The following CTNNA3 variants were observed in gnomAD, a reference collection of about 807,000 sequenced individuals.
The protein encoded by CTNNA3 is catenin alpha 3, also known as catenin alpha-3.
Under a neutral mutation model 95.7 loss-of-function variants are expected in CTNNA3, and 76 were observed. The observed-to-expected ratio is 0.79, with a 90% CI of 0.66 to 0.96. The LOEUF is 0.96. CTNNA3 is among the 40% of genes least tolerant of loss of function. CTNNA3 has a pLI of 0.00. For missense variants in CTNNA3, 1,191 were observed against 1,089.8 expected, an observed-to-expected ratio of 1.09 and a Z score of -1.31; for synonymous variants, 431 against 374.4, an observed-to-expected ratio of 1.15 and a Z score of -1.74.
In CTNNA3 at chr10:66,003,730, T is replaced by G. The variant is rs750241105; in HGVS notation, c.2160-14933A>C. ...AGTCTGAAGATTTAATATTTTTTTGTGTGATTTTGTACTGAAAACATAACA... is the reference window on the plus strand; with the variant it reads ...AGTCTGAAGATTTAATATTTTTTTGGGTGATTTTGTACTGAAAACATAACA... On this transcript the variant is annotated intron_variant, in intron 15 of 17. Transcript: ENST00000433211. 3.9e-5 allele frequency among the ~76,000 whole-genome samples: 6 copies of G among 152,228 alleles called. 1 individual carries two copies. Among genetic ancestry groups the G allele is most frequent in the South Asian group, 4.1e-4 (2 of 4,828 alleles).
chr10:67,426,947 T>C (rs1845942982), intron 5 of CTNNA3, among the ~76,000 whole-genome samples: 1 of 152,098 alleles, frequency 6.6e-6, no homozygotes, highest in Admixed American at 6.6e-5. Context: ...ACAGTATTTT[T>C]TCCAGATTCA....
At chr10:67,713,998 C>G (rs1256955305) in intron 1 of CTNNA3, among the ~76,000 whole-genome samples, 1 of 151,674 alleles carries the variant, frequency 6.6e-6, no homozygotes, top group Non-Finnish European at 1.5e-5. Flanking sequence ...GCCTAGATTT[C>G]AGAAGATGTA....
At chr10:67,091,295 ATTTCT>A (rs887981459) in intron 7 of CTNNA3, among the ~76,000 whole-genome samples, 1 of 152,038 alleles carries the variant, frequency 6.6e-6, no homozygotes, top group African/African-American at 2.4e-5. Context: ...AAATTAAAAC[ATTTCT>A]TTAAGTAAAT....
chr10:67,438,188 T>C (rs1846371280), intron 5 of CTNNA3, among the ~76,000 whole-genome samples: 1 of 152,206 alleles, frequency 6.6e-6, no homozygotes, highest in Admixed American at 6.5e-5. Context: ...AGTTTGGGCA[T>C]GATGGGAATG....
chr10:66,772,921 T>A (rs536867543), intron 8 of CTNNA3, among the ~76,000 whole-genome samples: 1 of 152,318 alleles, frequency 6.6e-6, no homozygotes, highest in African/African-American at 2.4e-5. Context: ...AAGCAAACGA[T>A]GAACATTAAA....
intron 5 of CTNNA3, among the ~76,000 whole-genome samples, chr10:67,411,564 A>G (rs1564632675): frequency 2.6e-5 from 4 of 152,210 alleles, no homozygotes; most frequent in Admixed American, 1.3e-4. Flanking sequence ...TGGATTGTGT[A>G]TCTGAGTTAG....
intron 12 of CTNNA3, among the ~76,000 whole-genome samples, chr10:66,366,040 A>G (rs945980890): frequency 2.0e-5 from 3 of 152,152 alleles, no homozygotes. Flanking sequence ...ATTATGAGAC[A>G]GTAAATGTTT....
At chr10:67,026,667 C>T (rs116158713) in intron 7 of CTNNA3, among the ~76,000 whole-genome samples, 3,644 of 152,178 alleles carry the variant, frequency 0.024, 161 homozygotes, top group African/African-American at 0.082. Context: ...AAACCAATTT[C>T]TTCATAAAGC....
intron 11 of CTNNA3, among the ~76,000 whole-genome samples, chr10:66,491,720 C>T (rs1589326548): frequency 6.6e-6 from 1 of 152,078 alleles, no homozygotes; most frequent in African/African-American, 2.4e-5. Context: ...AAAAGGTAGC[C>T]AATTTCAAAA....
chr10:67,007,721 A>G (rs1458281192), intron 7 of CTNNA3, among the ~76,000 whole-genome samples: 1 of 152,062 alleles, frequency 6.6e-6, no homozygotes, highest in Non-Finnish European at 1.5e-5. Flanking sequence ...TAAGTATAGT[A>G]GAAAGGTTCT....
chr10:67,195,771 A>T (rs1158463803), intron 6 of CTNNA3, among the ~76,000 whole-genome samples: 7 of 152,114 alleles, frequency 4.6e-5, no homozygotes, highest in East Asian at 1.9e-4. Flanking sequence ...ACAGTCTTAA[A>T]CAAGCTGAAG....
Position 67,561,945 on chromosome 10 carries a change from G to A in CTNNA3, c.293-22276C>T, listed in dbSNP as rs1358427446. The stretch of plus-strand genomic sequence containing the variant: ...CCTCCCAAGACTAAACCACGAAGAA[G>A]TTGAATCTCTGAATAGACCAACAAC... On this transcript the variant is annotated intron_variant, in intron 3 of 17. Transcript: ENST00000433211. Among the ~76,000 whole-genome samples the A allele has an allele frequency of 2.6e-5, 4 of 152,268 alleles. No homozygotes were observed. The East Asian group carries it at 7.7e-4, about 29-fold the overall frequency.
intron 13 of CTNNA3, among the ~76,000 whole-genome samples, chr10:66,146,310 A>G (rs988712855): frequency 2.0e-5 from 3 of 152,130 alleles, no homozygotes; most frequent in African/African-American, 7.2e-5. Context: ...AACAGTGTAA[A>G]TCTAATATAA....
chr10:67,272,211 A>C (rs1212148258), intron 5 of CTNNA3, among the ~76,000 whole-genome samples: 2 of 152,180 alleles, frequency 1.3e-5, no homozygotes, highest in African/African-American at 4.8e-5. Context: ...CTGTGGTTCC[A>C]AACTCAACCC....
At chr10:67,198,600 T>C (rs1863486355) in intron 6 of CTNNA3, among the ~76,000 whole-genome samples, 1 of 152,222 alleles carries the variant, frequency 6.6e-6, no homozygotes, top group Non-Finnish European at 1.5e-5. Context: ...CACAGTTTAA[T>C]TCATTCTGCT....
chr10:66,066,016 A>G (rs1393088823), intron 15 of CTNNA3, among the ~76,000 whole-genome samples: 2 of 152,104 alleles, frequency 1.3e-5, no homozygotes, highest in African/African-American at 4.8e-5. Context: ...GGTGCATGCC[A>G]CCACACACAG....
At position 66,572,557 on chromosome 10, in the gene CTNNA3, C is replaced by T. The variant is rs141161585; in HGVS notation, c.1374+49135G>A. Among the ~76,000 whole-genome samples, 587 of 150,268 alleles carry T rather than the reference C, an allele frequency of 3.9e-3. 6 individuals are homozygous for T. Among genetic ancestry groups the T allele is most frequent in the African/African-American group, 0.014 (562 of 40,712 alleles). On this transcript the variant is annotated intron_variant, in intron 10 of 17. Transcript: ENST00000433211. ...TTCTGTGTGGCTAATTGCATTTAGG[C>T]CAGGACTCAAAAAAAAAAACAAAAC...
At chr10:67,747,927 A>G (rs1293795550) in intron 1 of CTNNA3, among the ~76,000 whole-genome samples, 1 of 152,242 alleles carries the variant, frequency 6.6e-6, no homozygotes, top group Non-Finnish European at 1.5e-5. Context: ...TGACCTGATG[A>G]AGCTGAAAAA....
chr10:66,541,149 C>T (rs148759668), intron 10 of CTNNA3, among the ~76,000 whole-genome samples: 1 of 152,128 alleles, frequency 6.6e-6, no homozygotes, highest in Admixed American at 6.5e-5. Flanking sequence ...TGCTCAGGTG[C>T]CTCCTTATTG....
Sources: allele counts gnomAD v4.1 joint callset (sites outside exome capture counted in the v4.1 genomes callset), GRCh38; gene constraint gnomAD v4.1.1; transcripts MANE v1.5; gene names NCBI Gene and HGNC (gene_info 2026-07-23, HGNC 2026-07-21).